The following DVL3 variants were observed in gnomAD, a reference collection of about 807,000 sequenced individuals.
DVL3 encodes segment polarity protein dishevelled homolog DVL-3.
A neutral mutation model predicts 67.4 loss-of-function variants in DVL3; 27 were observed. That is an observed-to-expected ratio of 0.40 (90% CI 0.30 to 0.55). DVL3 has a LOEUF of 0.55. DVL3 is among the 20% of genes least tolerant of loss of function. DVL3 has a pLI of 0.46. For synonymous variants in DVL3, 369 were observed against 396.8 expected, an observed-to-expected ratio of 0.93 and a Z score of 0.83; for missense variants, 819 against 1,021.5, an observed-to-expected ratio of 0.80 and a Z score of 2.70.
chr3:184,155,808 C>T lies in DVL3; in HGVS notation c.161+12C>T. 6.3e-7 allele frequency: 1 copy of T among 1,598,068 alleles called. No individual in the cohort carries two copies. ...GACGACGATTTCGGGTGAGGATGGCCCCCGCCCCGCCTCCGGGAGCCCCGG... is the reference window on the plus strand; with the variant it reads ...GACGACGATTTCGGGTGAGGATGGCTCCCGCCCCGCCTCCGGGAGCCCCGG... On this transcript the variant is annotated intron_variant, in intron 1 of 14. Coordinates refer to ENST00000313143, the MANE Select transcript of DVL3 (RefSeq NM_004423.4). This position sits in a 1 kb window ranked among gnomAD's most constrained non-coding sequence, Gnocchi z 5.4.
intron 1 of DVL3, among the ~76,000 whole-genome samples, chr3:184,162,757 A>T (rs1458225309): frequency 1.3e-5 from 2 of 150,706 alleles, no homozygotes; most frequent in African/African-American, 4.9e-5. Context: ...CAAAATCCAT[A>T]CTCTTTCCAC....
rs759182353 is a variant in DVL3 at position 184,170,598 on chromosome 3, C to A, written c.1994C>A (p.Pro665His). Residue 665 changes from proline to histidine, a missense_variant, in exon 15 of 15, where the codon CCC becomes CAC. Coordinates refer to ENST00000313143, the MANE Select transcript of DVL3 (RefSeq NM_004423.4). This position sits in a 1 kb window ranked among gnomAD's most constrained non-coding sequence, Gnocchi z 6.5. ...GGAGTGCCCCCTCTCTACGGCCCCC[C>A]CATGCTGATGATGCCCCCGCCGCCC... ...PPGVPPLYGP[P>H]MLMMPPPPAA... is the part of the protein sequence containing the mutation. The A allele has an allele frequency of 2.0e-5, 32 of 1,610,352 alleles. No individual in the cohort carries two copies. In the East Asian group the frequency reaches 6.9e-4, roughly 35 times the overall value.
intron 1 of DVL3, among the ~76,000 whole-genome samples, chr3:184,161,725 C>T (rs1169183041): frequency 6.6e-6 from 1 of 152,180 alleles, no homozygotes; most frequent in Non-Finnish European, 1.5e-5. Context: ...CTCCAGCACC[C>T]ACTCTCCACA....
At chr3:184,162,026 G>A (rs929344643) in intron 1 of DVL3, among the ~76,000 whole-genome samples, 12 of 152,252 alleles carry the variant, frequency 7.9e-5, no homozygotes, top group Admixed American at 5.9e-4. Context: ...TCAAATTTCA[G>A]CAGTTTAGGA....
chr3:184,161,928 C>G (rs571055696), intron 1 of DVL3, among the ~76,000 whole-genome samples: 1 of 152,052 alleles, frequency 6.6e-6, no homozygotes, highest in Admixed American at 6.6e-5. Flanking sequence ...CCCACTGAGG[C>G]TGATGTGAAG....
chr3:184,157,667 CATAA>C (rs1301554821), intron 1 of DVL3, among the ~76,000 whole-genome samples: 2 of 152,230 alleles, frequency 1.3e-5, no homozygotes, highest in Admixed American at 1.3e-4. Flanking sequence ...ATATGTTTAA[CATAA>C]ATATTTAATG....
At position 184,170,448 on chromosome 3, in the gene DVL3, G is replaced by C. The variant is rs1210126445; in HGVS notation, c.1844G>C (p.Gly615Ala). The C allele has an allele frequency of 6.3e-7, 1 of 1,583,682 alleles. No homozygotes were observed. The highest frequency in any genetic ancestry group is 1.1e-5 in the South Asian group (1 of 87,712). The part of the protein sequence containing the change: ...SDHTTRSSLR[G>A]PRERAPSERS... ...CACACCACACGCAGCAGCCTGCGGG[G>C]GCCGCGGGAGCGGGCGCCCAGCGAG... Residue 615 changes from glycine to alanine, a missense_variant, in exon 15 of 15, where the codon GGG (glycine) becomes GCG (alanine). Coordinates refer to ENST00000313143, the MANE Select transcript of DVL3 (RefSeq NM_004423.4). The surrounding 1 kb of genome is among the most constrained non-coding windows in gnomAD (Gnocchi z 6.5).
At position 184,165,630 on chromosome 3, in the gene DVL3, C is replaced by T; in HGVS notation, c.763+139C>T. ...AACATCAGCTGATACATAAACTGATCATTTTAGTATCTCACCATCAGGGCT... is the reference window on the plus strand; with the variant it reads ...AACATCAGCTGATACATAAACTGATTATTTTAGTATCTCACCATCAGGGCT... On this transcript the variant is annotated intron_variant, in intron 7 of 14. Coordinates refer to ENST00000313143, the MANE Select transcript of DVL3 (RefSeq NM_004423.4). The surrounding 1 kb of genome is among the most constrained non-coding windows in gnomAD (Gnocchi z 4.1). 1 of 713,374 alleles carries T rather than the reference C, an allele frequency of 1.4e-6. No homozygotes were observed. The highest frequency in any genetic ancestry group is 1.7e-5 in the South Asian group (1 of 57,706). The allele number at this position is 713,374 out of a possible 1,614,324, so 44.2% of individuals were successfully genotyped here.
intron 1 of DVL3, among the ~76,000 whole-genome samples, chr3:184,160,652 T>A (rs2109019257): frequency 6.6e-6 from 1 of 152,122 alleles, no homozygotes; most frequent in East Asian, 1.9e-4. Flanking sequence ...TTGTTTTGAG[T>A]CAGCAGAGCC....
chr3:184,162,625 T>C (rs564812573), intron 1 of DVL3, among the ~76,000 whole-genome samples: 1 of 148,146 alleles, frequency 6.8e-6, no homozygotes, highest in Non-Finnish European at 1.5e-5. Context: ...AGTGGCGTGA[T>C]CTCAGCTCAC....
At position 184,172,681 on chromosome 3, in the gene DVL3, T is replaced by G. The variant is rs950007389; in HGVS notation, c.*1926T>G. The G allele has an allele frequency of 6.6e-6, 1 of 152,246 alleles. No individual in the cohort carries two copies. Among genetic ancestry groups the G allele is most frequent in the Admixed American group, 6.5e-5 (1 of 15,290 alleles). The allele number at this position is 152,246 out of a possible 1,614,324, so 9.4% of individuals were successfully genotyped here. On this transcript the variant is annotated 3_prime_UTR_variant, in exon 15 of 15. Coordinates refer to ENST00000313143, the MANE Select transcript of DVL3 (RefSeq NM_004423.4). Reference sequence around the variant, plus strand: ...TCCAGGAAGCAAGCGGAGGTTGCAGTGAGTTGAGATCGCACTCCAGCCTGG... The same window carrying G: ...TCCAGGAAGCAAGCGGAGGTTGCAGGGAGTTGAGATCGCACTCCAGCCTGG...
Position 184,171,260 on chromosome 3 carries a change from G to T in DVL3, c.*505G>T. On this transcript the variant is annotated 3_prime_UTR_variant, in exon 15 of 15. Coordinates refer to ENST00000313143, the MANE Select transcript of DVL3 (RefSeq NM_004423.4). ...AAACCAAAATATATTTGCTTCATCT[G>T]CCCCTACTAACCATCCCCCTGCCTG... 9.5e-7 allele frequency: 1 copy of T among 1,049,726 alleles called. No individual in the cohort carries two copies. Among genetic ancestry groups the T allele is most frequent in the Admixed American group, 5.8e-5 (1 of 17,360 alleles). The allele number at this position is 1,049,726 out of a possible 1,614,324, so 65.0% of individuals were successfully genotyped here.
Position 184,165,999 on chromosome 3 carries a change from T to C in DVL3, c.764-127T>C. 8.7e-7 allele frequency: 1 copy of C among 1,154,650 alleles called. No homozygotes were observed. The highest frequency in any genetic ancestry group is 2.5e-5 in the Admixed American group (1 of 40,616). The allele number at this position is 1,154,650 out of a possible 1,614,324, so 71.5% of individuals were successfully genotyped here. ...TCCATGGAAGCATGTTTGAGCATGCTGAGTGCAGTGCCTGATTCAGGATCA... is the reference window on the plus strand; with the variant it reads ...TCCATGGAAGCATGTTTGAGCATGCCGAGTGCAGTGCCTGATTCAGGATCA... On this transcript the variant is annotated intron_variant, in intron 7 of 14. Transcript: ENST00000313143. The surrounding 1 kb of genome is among the most constrained non-coding windows in gnomAD (Gnocchi z 4.1).
chr3:184,169,407 T>G (rs1714720688), intron 13 of DVL3, among the ~76,000 whole-genome samples: 1 of 152,120 alleles, frequency 6.6e-6, no homozygotes, highest in African/African-American at 2.4e-5. Context: ...ACATAAGAGT[T>G]TTGCAGGCCG....
chr3:184,156,448 G>A (rs1714193188), intron 1 of DVL3: 2 of 456,628 alleles, frequency 4.4e-6, no homozygotes, highest in South Asian at 1.5e-5. Context: ...ACTGACCCAG[G>A]TGCTGATCTT....
Position 184,164,059 on chromosome 3 carries a change from C to T in DVL3, c.232-208C>T. ...GTTCTTTGTCCCCATTCCACTTCAC[C>T]ACCCCATGCCTTCCAACAACCCCGT... On this transcript the variant is annotated intron_variant, in intron 2 of 14. Coordinates refer to ENST00000313143, the MANE Select transcript of DVL3 (RefSeq NM_004423.4). This position sits in a 1 kb window ranked among gnomAD's most constrained non-coding sequence, Gnocchi z 5.3. Among the ~76,000 whole-genome samples, 1 of 152,080 alleles carries T rather than the reference C, an allele frequency of 6.6e-6. No homozygotes were observed. The highest frequency in any genetic ancestry group is 1.5e-5 in the Non-Finnish European group (1 of 68,018).
chr3:184,161,151 GC>G (rs1257802578), intron 1 of DVL3, among the ~76,000 whole-genome samples: 23 of 152,192 alleles, frequency 1.5e-4, no homozygotes, highest in Admixed American at 1.5e-3. Flanking sequence ...GGGGGGCCAG[GC>G]ACGGCGGCTC....
rs780628321 is a variant in DVL3, at chr3:184,169,998, C to T, written c.1499-8C>T. 6.3e-7 allele frequency: 1 copy of T among 1,596,240 alleles called. No individual in the cohort carries two copies. The highest frequency in any genetic ancestry group is 1.1e-5 in the South Asian group (1 of 89,202). ...AGACCTAGCTCCATCCGGCCCTCCC[C>T]TTCACAGACATGGCCAACCTGTCTC... On this transcript the variant is annotated splice_region_variant and splice_polypyrimidine_tract_variant and intron_variant, in intron 13 of 14. Transcript: ENST00000313143.
At chr3:184,169,504 G>A (rs982379447) in intron 13 of DVL3, among the ~76,000 whole-genome samples, 2 of 152,124 alleles carry the variant, frequency 1.3e-5, no homozygotes, top group Non-Finnish European at 2.9e-5. Context: ...AGACCAGCCT[G>A]GCTAACGTGG....
Sources: gnomAD v4.1 joint callset for allele counts (sites outside exome capture counted in the v4.1 genomes callset) on GRCh38, gnomAD v4.1.1 for gene constraint, Gnocchi (gnomAD v3.1) non-coding constraint, MANE v1.5 for transcripts, NCBI Gene and HGNC (gene_info 2026-07-23, HGNC 2026-07-21) for gene names.